PRRC1: variants seen among roughly 807,000 people sequenced by gnomAD.
PRRC1 encodes proline rich coiled-coil 1.
PRRC1 carries 39 observed loss-of-function variants against 40.7 expected under a neutral mutation model. That is an observed-to-expected ratio of 0.96 (90% CI 0.74 to 1.25). The LOEUF (loss-of-function observed/expected upper bound fraction) is 1.25, where lower values mean the gene tolerates loss of function less well. PRRC1 is among the 50% of genes most tolerant of loss of function. The pLI is 0.00. For missense variants in PRRC1, 573 were observed against 548.3 expected, an observed-to-expected ratio of 1.05 and a Z score of -0.45; for synonymous variants, 175 against 193.3, an observed-to-expected ratio of 0.91 and a Z score of 0.79.
intron 7 of PRRC1, among the ~76,000 whole-genome samples, chr5:127,543,662 C>T (rs1199225693): frequency 1.2e-4 from 19 of 152,318 alleles, no homozygotes; most frequent in African/African-American, 2.4e-4. Context: ...CAGTTGATCG[C>T]GTCGGCTCCT....
intron 1 of PRRC1, among the ~76,000 whole-genome samples, chr5:127,521,552 C>G (rs1767460481): frequency 6.6e-6 from 1 of 152,228 alleles, no homozygotes; most frequent in Non-Finnish European, 1.5e-5. Context: ...ACACACCCTT[C>G]TATAGAAGTA....
In PRRC1 at chr5:127,552,398, A is replaced by T. The variant is rs1768418072; in HGVS notation, c.*482A>T. 1.0e-6 allele frequency: 1 copy of T among 995,898 alleles called. No homozygotes were observed. The highest frequency in any genetic ancestry group is 1.7e-5 in the African/African-American group (1 of 57,300). The allele number at this position is 995,898 out of a possible 1,614,324, so 61.7% of individuals were successfully genotyped here. A position where few individuals can be genotyped will look rare whatever the true frequency, so the allele number is the denominator to read the frequency against. On this transcript the variant is annotated 3_prime_UTR_variant, in exon 9 of 9. Transcript: ENST00000296666. ...AGGGCTGGTGCTGAGCAGCCTGCTC[A>T]ACAGTCACTATAAGACACCTACTTG...
chr5:127,535,565 T>C lies in PRRC1; in HGVS notation c.921+1779T>C, dbSNP rs141283386. Among the ~76,000 whole-genome samples, 30 of 152,292 alleles carry C rather than the reference T, an allele frequency of 2.0e-4. No individual in the cohort carries two copies. The East Asian group carries it at 5.6e-3, about 28-fold the overall frequency. On this transcript the variant is annotated intron_variant, in intron 6 of 8. Coordinates refer to ENST00000296666, the MANE Select transcript of PRRC1 (RefSeq NM_130809.5). ...CCGATTTTGAGATTATAAATAAATT[T>C]CATGTGTAGTCAATGGAATCCACAA...
At chr5:127,535,104 T>C (rs1419863014) in intron 6 of PRRC1, among the ~76,000 whole-genome samples, 1 of 133,670 alleles carries the variant, frequency 7.5e-6, no homozygotes, top group African/African-American at 2.7e-5. Flanking sequence ...TAGGATACTG[T>C]GGGCCTCTGG....
In PRRC1 at chr5:127,553,383, A is replaced by G; in HGVS notation, c.*1467A>G. 2 of 1,019,794 alleles carry G rather than the reference A, an allele frequency of 2.0e-6. No individual in the cohort carries two copies. The highest frequency in any genetic ancestry group is 2.3e-6 in the Non-Finnish European group (2 of 853,330). 63.2% of individuals were successfully genotyped at this position (1,019,794 alleles called of 1,614,324 possible). ...ACTGTATAATGACTGTTCAGTGAAT[A>G]TCAGACTTCCGTGTCATTAAAAGTC... On this transcript the variant is annotated 3_prime_UTR_variant, in exon 9 of 9. Coordinates refer to ENST00000296666, the MANE Select transcript of PRRC1 (RefSeq NM_130809.5).
At chr5:127,525,027 C>A in intron 3 of PRRC1, 107 bp downstream of exon 3, 2 of 1,102,692 alleles carry the variant, frequency 1.8e-6, no homozygotes, top group Non-Finnish European at 2.5e-6. Flanking sequence ...ACAATTCACC[C>A]AATTCAAAGC....
chr5:127,525,276 TCAC>T (rs1304749644), intron 3 of PRRC1, among the ~76,000 whole-genome samples: 10 of 152,252 alleles, frequency 6.6e-5, no homozygotes, highest in Non-Finnish European at 1.5e-4. Context: ...CTGGCAACTT[TCAC>T]TTAAATATTT....
chr5:127,541,269 A>G (rs1335634370), intron 7 of PRRC1, among the ~76,000 whole-genome samples: 1 of 152,150 alleles, frequency 6.6e-6, no homozygotes, highest in African/African-American at 2.4e-5. Flanking sequence ...TGCTGGATTC[A>G]GTTTGCCAGT....
At chr5:127,542,881 G>A (rs1018489311) in intron 7 of PRRC1, among the ~76,000 whole-genome samples, 8 of 152,114 alleles carry the variant, frequency 5.3e-5, no homozygotes, top group Non-Finnish European at 1.0e-4. Flanking sequence ...TACATTTAAA[G>A]TTAATATTGT....
At chr5:127,522,781 T>G (rs1391981732) in intron 1 of PRRC1, among the ~76,000 whole-genome samples, 2 of 151,830 alleles carry the variant, frequency 1.3e-5, no homozygotes, top group African/African-American at 4.8e-5. Context: ...AATATTTTAT[T>G]TATTTATTTT....
Position 127,552,547 on chromosome 5 carries a change from T to C in PRRC1, c.*631T>C. ...TCTGGAAAATCATACCTTTGTCAATTTTAAACATAACTTTTGGCATTTCCC... is the reference window on the plus strand; with the variant it reads ...TCTGGAAAATCATACCTTTGTCAATCTTAAACATAACTTTTGGCATTTCCC... On this transcript the variant is annotated 3_prime_UTR_variant, in exon 9 of 9. Coordinates refer to ENST00000296666, the MANE Select transcript of PRRC1 (RefSeq NM_130809.5). The C allele has an allele frequency of 1.0e-5, 10 of 985,896 alleles. No individual in the cohort carries two copies. Among genetic ancestry groups the C allele is most frequent in the Non-Finnish European group, 1.1e-5 (9 of 829,878 alleles). 61.1% of individuals were successfully genotyped at this position (985,896 alleles called of 1,614,324 possible).
intron 5 of PRRC1, 36 bp downstream of exon 5, chr5:127,530,432 T>A: frequency 6.7e-7 from 1 of 1,484,870 alleles, no homozygotes; most frequent in Non-Finnish European, 9.4e-7. Context: ...CTGCCATTTT[T>A]TTTTTAAGGG....
intron 6 of PRRC1, among the ~76,000 whole-genome samples, chr5:127,537,466 T>C (rs1471102019): frequency 6.6e-6 from 1 of 151,972 alleles, no homozygotes. Flanking sequence ...ATTTTCATTT[T>C]CTTATGGATT....
At chr5:127,527,382 A>G (rs1000794698) in intron 4 of PRRC1, among the ~76,000 whole-genome samples, 2 of 152,184 alleles carry the variant, frequency 1.3e-5, no homozygotes, top group African/African-American at 4.8e-5. Context: ...TTTCAAGAAT[A>G]TAATACATTG....
chr5:127,541,375 G>T (rs1768040750), intron 7 of PRRC1, among the ~76,000 whole-genome samples: 1 of 152,098 alleles, frequency 6.6e-6, no homozygotes, highest in South Asian at 2.1e-4. Flanking sequence ...GTATCAGGAT[G>T]ATGCTGGCCT....
chr5:127,543,605 C>T lies in PRRC1; in HGVS notation c.1026-4214C>T, dbSNP rs1395377892. On this transcript the variant is annotated intron_variant, in intron 7 of 8. Coordinates refer to ENST00000296666, the MANE Select transcript of PRRC1 (RefSeq NM_130809.5). ...TCTTTTTTCTCTAAACTTCCCTTCT[C>T]GCTTCATTTCATTCATTTCATCTTC... is the stretch of plus-strand genomic sequence containing the variant. Among the ~76,000 whole-genome samples the T allele has an allele frequency of 5.3e-5, 8 of 152,096 alleles. No homozygotes were observed. The South Asian group carries it at 6.2e-4, about 12-fold the overall frequency.
At chr5:127,523,120 A>G (rs893201869) in intron 1 of PRRC1, among the ~76,000 whole-genome samples, 3 of 152,212 alleles carry the variant, frequency 2.0e-5, no homozygotes, top group Non-Finnish European at 4.4e-5. Context: ...CCCAGACATA[A>G]CTATCTCTAA....
At chr5:127,550,459 G>T (rs1045458285) in intron 8 of PRRC1, 1 of 152,062 alleles carries the variant, frequency 6.6e-6, no homozygotes, top group Non-Finnish European at 1.5e-5. Context: ...CATACAATTT[G>T]TACTTGTTAA....
In PRRC1 at chr5:127,553,876, G is replaced by T; in HGVS notation, c.*1960G>T. On this transcript the variant is annotated 3_prime_UTR_variant, in exon 9 of 9. Transcript: ENST00000296666. The stretch of plus-strand genomic sequence containing the variant: ...AGCTAGAAATTTTCCTGCCCCTGGT[G>T]ACCTGGTAAGCCTCCTGCTCGGAAC... 1 of 1,535,654 alleles carries T rather than the reference G, an allele frequency of 6.5e-7. No individual in the cohort carries two copies. The highest frequency in any genetic ancestry group is 1.2e-5 in the South Asian group (1 of 84,056).
Sources: gnomAD v4.1 joint callset for allele counts (sites outside exome capture counted in the v4.1 genomes callset) on GRCh38, gnomAD v4.1.1 for gene constraint, MANE v1.5 for transcripts, NCBI Gene and HGNC (gene_info 2026-07-23, HGNC 2026-07-21) for gene names.